VPS13A: variants seen among roughly 807,000 people sequenced by gnomAD.
The protein encoded by VPS13A is vacuolar protein sorting 13 homolog A.
A neutral mutation model predicts 390.9 loss-of-function variants in VPS13A; 264 were observed. The observed-to-expected ratio is 0.68, with a 90% CI of 0.61 to 0.75. VPS13A has a LOEUF of 0.75. Ranked by LOEUF, VPS13A falls within the 30% of genes least tolerant of loss-of-function variation. The probability of loss-of-function intolerance (pLI) is 0.00; values close to 1 mark genes in which losing one functional copy is unlikely to be tolerated. For missense variants in VPS13A, 3,409 were observed against 3,733.9 expected, an observed-to-expected ratio of 0.91 and a Z score of 2.27; for synonymous variants, 1,231 against 1,227.1, an observed-to-expected ratio of 1.00 and a Z score of -0.07.
chr9:77,394,900 A>G (rs532940531), intron 68 of VPS13A, among the ~76,000 whole-genome samples: 5 of 152,284 alleles, frequency 3.3e-5, no homozygotes, highest in African/African-American at 1.2e-4. Flanking sequence ...CATATAATTG[A>G]AGATAGTTAG....
intron 67 of VPS13A, among the ~76,000 whole-genome samples, chr9:77,377,910 A>C (rs943398659): frequency 1.3e-5 from 2 of 152,190 alleles, no homozygotes; most frequent in Non-Finnish European, 2.9e-5. Flanking sequence ...CTTTTTCTGT[A>C]TAATTAAGTT....
chr9:77,276,165 A>G lies in VPS13A; in HGVS notation c.2768A>G (p.Asp923Gly). ...LGAEIEIRTY[D>G]LKANAFLKEF... ...GCAGAAATTGAGATTAGAACATACGATTTGAAAGCAAATGCCTTTTTGAAA... is the reference window on the plus strand; with the variant it reads ...GCAGAAATTGAGATTAGAACATACGGTTTGAAAGCAAATGCCTTTTTGAAA... The change falls in exon 26 of 72, where the codon GAT becomes GGT. Residue 923 changes from aspartate (D) to glycine (G), a missense_variant. Asp to Gly is a moderately conservative substitution (Grantham distance 94, BLOSUM62 -1). This residue lies in a region of VPS13A where 2,717 missense variants were observed against 2,917.4 expected (regional missense o/e 0.93). Transcript: ENST00000360280. The G allele has an allele frequency of 6.2e-7, 1 of 1,610,910 alleles. No individual in the cohort carries two copies.
intron 23 of VPS13A, among the ~76,000 whole-genome samples, chr9:77,262,591 A>T (rs1206027170): frequency 6.6e-6 from 1 of 150,598 alleles, no homozygotes; most frequent in African/African-American, 2.5e-5. Flanking sequence ...CTAGCCCCCG[A>T]CCCCTCGACA....
At chr9:77,177,871 C>T in intron 1 of VPS13A, 67 bp downstream of exon 1, 1 of 1,441,380 alleles carries the variant, frequency 6.9e-7, no homozygotes, top group Non-Finnish European at 9.5e-7. Flanking sequence ...GCCCGAGCGG[C>T]GTCCTGCGTT....
In VPS13A at chr9:77,339,484, A is replaced by ATT. The variant is rs200451091; in HGVS notation, c.6379-29_6379-28dup. The ATT allele has an allele frequency of 1.0e-3, 1,433 of 1,395,296 alleles. 25 individuals are homozygous for ATT. Among genetic ancestry groups the ATT allele is most frequent in the South Asian group, 2.2e-3 (163 of 73,358 alleles). 86.4% of individuals were successfully genotyped at this position (1,395,296 alleles called of 1,614,324 possible). A position where few individuals can be genotyped will look rare whatever the true frequency, so the allele number is the denominator to read the frequency against. ...GGCATATTATTCTGCAACATTTTAA[A>ATT]TTTTGTTTTGTTTTTTTTTTTTTTA... On this transcript the variant is annotated intron_variant, in intron 47 of 71. Coordinates refer to ENST00000360280, the MANE Select transcript of VPS13A (RefSeq NM_033305.3).
chr9:77,255,197 GA>G (rs1189533141), intron 22 of VPS13A, among the ~76,000 whole-genome samples: 22 of 152,146 alleles, frequency 1.4e-4, no homozygotes, highest in Admixed American at 9.8e-4. Context: ...TTTTTATTAT[GA>G]AAACGTGTTG....
chr9:77,339,117 A>G (rs1830685030), intron 47 of VPS13A: 1 of 211,368 alleles, frequency 4.7e-6, no homozygotes, highest in Non-Finnish European at 9.4e-6. Flanking sequence ...TTGGATTACC[A>G]TCAGTTTTTG....
intron 67 of VPS13A, among the ~76,000 whole-genome samples, chr9:77,376,886 A>AG (rs966358614): frequency 3.3e-5 from 5 of 152,190 alleles, no homozygotes; most frequent in African/African-American, 7.2e-5. Context: ...ACCAACTCTT[A>AG]GAAGTTGGGG....
At chr9:77,353,090 A>G (rs1831560522) in intron 53 of VPS13A, among the ~76,000 whole-genome samples, 1 of 152,116 alleles carries the variant, frequency 6.6e-6, no homozygotes, top group Non-Finnish European at 1.5e-5. Flanking sequence ...GTAGTCTTAG[A>G]ATAAAGCAGA....
Position 77,220,006 on chromosome 9 carries a change from T to C in VPS13A, c.807T>C (p.Asp269=), listed in dbSNP as rs778867538. The change falls in exon 11 of 72, where the codon GAT becomes GAC. Residue 269 remains aspartate (D), a synonymous_variant. Transcript: ENST00000360280. The part of the protein sequence containing the change: ...NAKLVMNRRS[D]FDFSAPKINL... ...AACTTGTGATGAATCGCCGATCTGA[T>C]TTTGACTTTTCTGCCCCCAAAATAA... is the stretch of plus-strand genomic sequence containing the variant. 1.2e-6 allele frequency: 2 copies of C among 1,613,690 alleles called. No homozygotes were observed. Among genetic ancestry groups the C allele is most frequent in the Non-Finnish European group, 1.7e-6 (2 of 1,179,716 alleles).
chr9:77,336,587 A>G (rs971231206), intron 46 of VPS13A, among the ~76,000 whole-genome samples: 1 of 152,224 alleles, frequency 6.6e-6, no homozygotes, highest in East Asian at 1.9e-4. Flanking sequence ...CCATGTATCC[A>G]GAAAAGCCAA....
intron 71 of VPS13A, among the ~76,000 whole-genome samples, chr9:77,413,432 C>T (rs528660371): frequency 1.3e-3 from 198 of 152,042 alleles, no homozygotes; most frequent in Admixed American, 1.7e-3. Context: ...TCAGAAATAA[C>T]GCCGCATATC....
chr9:77,324,538 C>T (rs1190053961), intron 45 of VPS13A, among the ~76,000 whole-genome samples: 1 of 152,142 alleles, frequency 6.6e-6, no homozygotes, highest in African/African-American at 2.4e-5. Flanking sequence ...GAATTACATT[C>T]ACTGATTCTT....
chr9:77,312,195 A>T (rs1217040323), intron 35 of VPS13A, among the ~76,000 whole-genome samples: 1 of 152,302 alleles, frequency 6.6e-6, no homozygotes. Context: ...AAATGTTTAA[A>T]TGTATATTTT....
intron 1 of VPS13A, among the ~76,000 whole-genome samples, chr9:77,194,769 C>G (rs1055592809): frequency 2.6e-5 from 4 of 152,180 alleles, no homozygotes; most frequent in African/African-American, 9.6e-5. Flanking sequence ...CCTCCTTCAG[C>G]CCAGGATCCG....
chr9:77,182,443 G>T (rs1824080165), intron 1 of VPS13A, among the ~76,000 whole-genome samples: 1 of 151,722 alleles, frequency 6.6e-6, no homozygotes, highest in South Asian at 2.1e-4. Flanking sequence ...TCAGCCATAG[G>T]TGCTTATTAT....
At chr9:77,364,150 G>A (rs748731159) in intron 59 of VPS13A, among the ~76,000 whole-genome samples, 6 of 152,178 alleles carry the variant, frequency 3.9e-5, no homozygotes, top group Admixed American at 1.3e-4. Flanking sequence ...GCCCTGCCAA[G>A]TACGGTGGCT....
intron 17 of VPS13A, among the ~76,000 whole-genome samples, chr9:77,232,377 A>T (rs1050115018): frequency 6.6e-5 from 10 of 152,204 alleles, no homozygotes; most frequent in African/African-American, 2.4e-4. Flanking sequence ...AACAATATTA[A>T]GTCTTCTGTG....
intron 69 of VPS13A, among the ~76,000 whole-genome samples, chr9:77,405,225 C>T (rs1346588105): frequency 6.6e-6 from 1 of 152,006 alleles, no homozygotes; most frequent in Non-Finnish European, 1.5e-5. Flanking sequence ...AGTAATGGGA[C>T]TTGATTTTAC....
Sources: gnomAD v4.1 joint callset for allele counts (sites outside exome capture counted in the v4.1 genomes callset) on GRCh38, gnomAD v4.1.1 for gene constraint, gnomAD v4.1.1 regional missense constraint, MANE v1.5 for transcripts, NCBI Gene and HGNC (gene_info 2026-07-23, HGNC 2026-07-21) for gene names.